NCOA6: variants seen among roughly 807,000 people sequenced by gnomAD.
NCOA6 encodes the protein NRC RAP250.
Under a neutral mutation model 171.4 loss-of-function variants are expected in NCOA6, and 49 were observed. The observed-to-expected ratio is 0.29, with a 90% CI of 0.23 to 0.36. The LOEUF (loss-of-function observed/expected upper bound fraction) is 0.36. Among genes scored for constraint, NCOA6 ranks in the 10% least tolerant of loss-of-function variants. The probability of loss-of-function intolerance (pLI) is 1.00; values close to 1 mark genes in which losing one functional copy is unlikely to be tolerated. For synonymous variants in NCOA6, 910 were observed against 927.5 expected, an observed-to-expected ratio of 0.98 and a Z score of 0.34; for missense variants, 2,248 against 2,554.5, an observed-to-expected ratio of 0.88 and a Z score of 2.59.
At chr20:34,766,500 C>T (rs749116652) in intron 5 of NCOA6, among the ~76,000 whole-genome samples, 10 of 151,952 alleles carry the variant, frequency 6.6e-5, no homozygotes, top group Non-Finnish European at 1.2e-4. Context: ...TGGTAGTGCA[C>T]GCCTGTAGTC....
At chr20:34,816,386 G>A (rs924473641) in intron 1 of NCOA6, among the ~76,000 whole-genome samples, 1 of 151,964 alleles carries the variant, frequency 6.6e-6, no homozygotes, top group African/African-American at 2.4e-5. Context: ...GAGTAGGGTG[G>A]GACCTACTAG....
chr20:34,730,702 A>G (rs1990503312), intron 13 of NCOA6, among the ~76,000 whole-genome samples: 1 of 135,508 alleles, frequency 7.4e-6, no homozygotes, highest in African/African-American at 2.8e-5. Context: ...TTAATGCTCT[A>G]TGTTCTAGAC....
chr20:34,790,588 C>T (rs1463144181), intron 2 of NCOA6, among the ~76,000 whole-genome samples: 1 of 152,134 alleles, frequency 6.6e-6, no homozygotes, highest in Non-Finnish European at 1.5e-5. Flanking sequence ...ATCTCCTGAC[C>T]TCGTGATGTA....
At chr20:34,804,841 C>T (rs1440286030) in intron 1 of NCOA6, among the ~76,000 whole-genome samples, 2 of 152,066 alleles carry the variant, frequency 1.3e-5, no homozygotes, top group Non-Finnish European at 2.9e-5. Context: ...GTGTTGGGAA[C>T]ATTCAAAATC....
chr20:34,720,137 C>A (rs1280846780), intron 14 of NCOA6, among the ~76,000 whole-genome samples: 1 of 152,076 alleles, frequency 6.6e-6, no homozygotes, highest in Non-Finnish European at 1.5e-5. Context: ...AAATAATTAC[C>A]TTTTTCCCAG....
chr20:34,783,414 C>T (rs2077568967), intron 2 of NCOA6, among the ~76,000 whole-genome samples: 1 of 152,146 alleles, frequency 6.6e-6, no homozygotes, highest in South Asian at 2.1e-4. Flanking sequence ...AGGTATGCTG[C>T]TTACCAAAGA....
chr20:34,820,468 G>C (rs1447478279), intron 1 of NCOA6: 1 of 151,662 alleles, frequency 6.6e-6, no homozygotes, highest in East Asian at 2.0e-4. Context: ...CCTTAAAACA[G>C]ATGTTTTAAA....
intron 13 of NCOA6, among the ~76,000 whole-genome samples, chr20:34,727,716 CT>C (rs1990135902): frequency 2.0e-5 from 3 of 150,606 alleles, no homozygotes; most frequent in African/African-American, 7.3e-5. Context: ...CACCCATTTT[CT>C]TTTCTTTTCT....
At chr20:34,757,115 AATTATATC>A in intron 7 of NCOA6, 97 bp downstream of exon 7, 2 of 1,237,574 alleles carry the variant, frequency 1.6e-6, no homozygotes, top group South Asian at 3.5e-5. Context: ...AAAACCAAAT[AATTATATC>A]CTTACTCCAC....
chr20:34,754,151 A>G (rs925932969), intron 8 of NCOA6, among the ~76,000 whole-genome samples: 7 of 152,356 alleles, frequency 4.6e-5, no homozygotes, highest in Admixed American at 2.6e-4. Context: ...CTCAGCATAA[A>G]CAAAGCTTAA....
intron 4 of NCOA6, 41 bp downstream of exon 4, chr20:34,776,252 A>G: frequency 6.3e-7 from 1 of 1,596,880 alleles, no homozygotes; most frequent in Non-Finnish European, 8.5e-7. Context: ...CTACTGTTGT[A>G]ATGATTCTGG....
At chr20:34,818,762 C>G (rs1480290201) in intron 1 of NCOA6, among the ~76,000 whole-genome samples, 1 of 152,228 alleles carries the variant, frequency 6.6e-6, no homozygotes, top group Non-Finnish European at 1.5e-5. Flanking sequence ...TGGCTAGATT[C>G]ATCTTGGTAT....
chr20:34,818,995 TA>T (rs2078926746), intron 1 of NCOA6, among the ~76,000 whole-genome samples: 1 of 152,230 alleles, frequency 6.6e-6, no homozygotes, highest in African/African-American at 2.4e-5. Context: ...AGTAGATGCC[TA>T]AATATTCAAG....
In NCOA6 at chr20:34,730,465, A is replaced by G. The variant is rs145892224; in HGVS notation, c.5999+2094T>C. Among the ~76,000 whole-genome samples the G allele has an allele frequency of 4.1e-3, 629 of 152,254 alleles. 2 individuals are homozygous for G. Among genetic ancestry groups the G allele is most frequent in the African/African-American group, 0.014 (601 of 41,548 alleles). On this transcript the variant is annotated intron_variant, in intron 13 of 14. Coordinates refer to ENST00000359003, the MANE Select transcript of NCOA6 (RefSeq NM_014071.5). ...AAGACTATCCTGTTTTTTATGGTCA[A>G]TGCTCAGGTATCTCTGGAAACAAAC... is the stretch of plus-strand genomic sequence containing the variant.
At chr20:34,784,712 T>C (rs2077616864) in intron 2 of NCOA6, among the ~76,000 whole-genome samples, 1 of 151,482 alleles carries the variant, frequency 6.6e-6, no homozygotes, top group Non-Finnish European at 1.5e-5. Flanking sequence ...ACCCAGGAGT[T>C]CGAGGCAGCA....
At chr20:34,726,826 T>C (rs1990010301) in intron 14 of NCOA6, among the ~76,000 whole-genome samples, 1 of 148,858 alleles carries the variant, frequency 6.7e-6, no homozygotes, top group Admixed American at 6.7e-5. Context: ...GTGTGGTGGC[T>C]CATGCCTGCA....
chr20:34,716,784 T>C (rs1483328227), intron 14 of NCOA6, among the ~76,000 whole-genome samples: 4 of 151,712 alleles, frequency 2.6e-5, no homozygotes, highest in African/African-American at 9.7e-5. Flanking sequence ...AAAAAAAAAT[T>C]CTACACAAAG....
At chr20:34,825,261 G>T (rs1352123158) in intron 1 of NCOA6, among the ~76,000 whole-genome samples, 2 of 149,694 alleles carry the variant, frequency 1.3e-5, no homozygotes, top group Admixed American at 6.6e-5. Flanking sequence ...GCAGGCCTGG[G>T]GCCCGCTCCC....
chr20:34,723,803 G>T (rs551759131), intron 14 of NCOA6, among the ~76,000 whole-genome samples: 26 of 152,286 alleles, frequency 1.7e-4, no homozygotes, highest in Admixed American at 1.4e-3. Context: ...AACTGTCCCA[G>T]TTGCTTCTTA....
Sources: allele counts gnomAD v4.1 joint callset (sites outside exome capture counted in the v4.1 genomes callset), GRCh38; gene constraint gnomAD v4.1.1; transcripts MANE v1.5; gene names NCBI Gene and HGNC (gene_info 2026-07-23, HGNC 2026-07-21).